Variants in HPSE2 observed in about 807,000 individuals in gnomAD.
HPSE2 encodes the protein heparanase 2 (inactive).
Under a neutral mutation model 60.5 loss-of-function variants are expected in HPSE2, and 38 were observed. The ratio of observed to expected loss-of-function variants is 0.63; its 90% CI spans 0.48 to 0.82. The LOEUF is 0.82. Ranked by LOEUF, HPSE2 falls within the 40% of genes least tolerant of loss-of-function variation. The pLI is 0.00. For missense variants in HPSE2, 713 were observed against 740.4 expected, an observed-to-expected ratio of 0.96 and a Z score of 0.43; for synonymous variants, 295 against 293.2, an observed-to-expected ratio of 1.01 and a Z score of -0.06.
At chr10:98,979,524 A>G (rs900416777) in intron 3 of HPSE2, among the ~76,000 whole-genome samples, 1 of 152,226 alleles carries the variant, frequency 6.6e-6, no homozygotes, top group Admixed American at 6.5e-5. Flanking sequence ...GTGCTTTATT[A>G]TAAAGGAATA....
intron 9 of HPSE2, among the ~76,000 whole-genome samples, chr10:98,533,308 C>T (rs1328600632): frequency 6.6e-6 from 1 of 152,134 alleles, no homozygotes; most frequent in South Asian, 2.1e-4. Flanking sequence ...AGAAGGTAGG[C>T]TTTTGGAGGT....
At chr10:99,090,559 C>T (rs191091556) in intron 3 of HPSE2, among the ~76,000 whole-genome samples, 1 of 151,970 alleles carries the variant, frequency 6.6e-6, no homozygotes, top group Admixed American at 6.5e-5. Flanking sequence ...AGTATACATG[C>T]ATAAATGAGA....
intron 3 of HPSE2, among the ~76,000 whole-genome samples, chr10:99,028,787 C>T (rs867522396): frequency 1.7e-4 from 26 of 152,156 alleles, no homozygotes; most frequent in African/African-American, 4.3e-4. Context: ...TAAAAACAGA[C>T]GCATAGATCA....
chr10:98,794,163 C>G (rs369855034), intron 3 of HPSE2, among the ~76,000 whole-genome samples: 10 of 151,960 alleles, frequency 6.6e-5, no homozygotes, highest in African/African-American at 2.2e-4. Flanking sequence ...ATTTATAAAC[C>G]TTTCTTAAAC....
intron 3 of HPSE2, among the ~76,000 whole-genome samples, chr10:99,096,094 A>G (rs918254982): frequency 1.3e-5 from 2 of 152,192 alleles, no homozygotes; most frequent in African/African-American, 4.8e-5. Context: ...AAATCTTCAT[A>G]AAGTTCATAT....
rs149454044 is a variant in HPSE2, at chr10:98,898,457, A to G, written c.611-154401T>C. On this transcript the variant is annotated intron_variant, in intron 3 of 11. Coordinates refer to ENST00000370552, the MANE Select transcript of HPSE2 (RefSeq NM_021828.5). ...ATTAATCTTAAACGCATACTAAGTA[A>G]AAGAAACTAGTACATGAAAAGGGTA... Among the ~76,000 whole-genome samples, 260 of 152,318 alleles carry G rather than the reference A, an allele frequency of 1.7e-3. 1 individual carries two copies. Among genetic ancestry groups the G allele is most frequent in the African/African-American group, 5.9e-3 (244 of 41,580 alleles).
At chr10:99,019,230 T>G (rs1274387903) in intron 3 of HPSE2, among the ~76,000 whole-genome samples, 1 of 152,194 alleles carries the variant, frequency 6.6e-6, no homozygotes, top group African/African-American at 2.4e-5. Context: ...TGCAATGTGT[T>G]AGCTGCTTGC....
intron 3 of HPSE2, among the ~76,000 whole-genome samples, chr10:99,119,075 GAAAGAGAAAGAA>G: frequency 3.8e-5 from 4 of 106,292 alleles, no homozygotes; most frequent in African/African-American, 1.4e-4. Context: ...GAGAAAGAAA[GAAAGAGAAAGAA>G]AGAGAGAGAG....
At chr10:98,601,025 G>C (rs981100499) in intron 9 of HPSE2, among the ~76,000 whole-genome samples, 1 of 150,450 alleles carries the variant, frequency 6.6e-6, no homozygotes, top group African/African-American at 2.4e-5. Flanking sequence ...AATTATGGAT[G>C]CTGGGAAGTC....
intron 4 of HPSE2, among the ~76,000 whole-genome samples, chr10:98,725,143 A>T (rs1283393476): frequency 6.6e-6 from 1 of 152,172 alleles, no homozygotes; most frequent in Non-Finnish European, 1.5e-5. Context: ...AATTGCTTTA[A>T]AGTTCATATG....
At chr10:98,695,583 T>C (rs1045080602) in intron 5 of HPSE2, among the ~76,000 whole-genome samples, 2 of 152,186 alleles carry the variant, frequency 1.3e-5, no homozygotes, top group African/African-American at 4.8e-5. Flanking sequence ...TTATATAGAT[T>C]ACCAGCTTCC....
chr10:98,719,485 C>G (rs908370972), intron 5 of HPSE2, among the ~76,000 whole-genome samples: 2 of 151,270 alleles, frequency 1.3e-5, no homozygotes, highest in African/African-American at 2.4e-5. Context: ...CAAAATGAAA[C>G]AAAATAAAAA....
At chr10:99,225,456 C>T (rs1430116030) in intron 2 of HPSE2, among the ~76,000 whole-genome samples, 2 of 152,092 alleles carry the variant, frequency 1.3e-5, no homozygotes, top group Non-Finnish European at 2.9e-5. Flanking sequence ...TACTAGCCTA[C>T]ATTTACTCTA....
At chr10:98,874,557 C>A (rs183278937) in intron 3 of HPSE2, among the ~76,000 whole-genome samples, 1 of 152,192 alleles carries the variant, frequency 6.6e-6, no homozygotes, top group East Asian at 1.9e-4. Flanking sequence ...TGTCTGCAAA[C>A]AGAGACAATT....
intron 2 of HPSE2, among the ~76,000 whole-genome samples, chr10:99,196,296 G>C (rs1009158707): frequency 6.6e-6 from 1 of 151,944 alleles, no homozygotes; most frequent in Non-Finnish European, 1.5e-5. Context: ...CATTGGTCTG[G>C]GCAAAAAATT....
chr10:99,306,014 C>CA, the HPSE2 span, among the ~76,000 whole-genome samples: 120 of 146,952 alleles, frequency 8.2e-4, no homozygotes, highest in East Asian at 0.021. Context: ...CACACACACA[C>CA]CAGACTGCTG....
chr10:99,034,355 A>C lies in HPSE2; in HGVS notation c.610+109883T>G, dbSNP rs147452769. On this transcript the variant is annotated intron_variant, in intron 3 of 11. Transcript: ENST00000370552. ...GGCTGCCATGGGTTGGAGTGAAGGAAAGATAAACTATCAACAGGTACCATG... is the reference window on the plus strand; with the variant it reads ...GGCTGCCATGGGTTGGAGTGAAGGACAGATAAACTATCAACAGGTACCATG... 3.2e-3 allele frequency among the ~76,000 whole-genome samples: 481 copies of C among 152,306 alleles called. 3 individuals carry two copies. The highest frequency in any genetic ancestry group is 0.011 in the African/African-American group (455 of 41,582).
chr10:99,264,851 A>C, the HPSE2 span, among the ~76,000 whole-genome samples: 1 of 151,668 alleles, frequency 6.6e-6, no homozygotes, highest in East Asian at 1.9e-4. Context: ...AATCTCTCCC[A>C]CTGTAGGTTC....
At chr10:98,515,015 C>A (rs544961269) in intron 9 of HPSE2, among the ~76,000 whole-genome samples, 1 of 152,114 alleles carries the variant, frequency 6.6e-6, no homozygotes, top group Non-Finnish European at 1.5e-5. Flanking sequence ...TGAGCCACCG[C>A]GCCCAGCCCG....
Sources: allele counts gnomAD v4.1 joint callset (sites outside exome capture counted in the v4.1 genomes callset), GRCh38; gene constraint gnomAD v4.1.1; transcripts MANE v1.5; gene names NCBI Gene and HGNC (gene_info 2026-07-23, HGNC 2026-07-21).